The following AK9 variants were observed in gnomAD, a reference collection of about 807,000 sequenced individuals.
AK9 encodes the protein adenylate kinase domain containing 1.
AK9 carries 191 observed loss-of-function variants against 239.6 expected under a neutral mutation model. The ratio of observed to expected loss-of-function variants is 0.80; its 90% CI spans 0.71 to 0.90. AK9 has a LOEUF of 0.90. Among genes scored for constraint, AK9 ranks in the 40% least tolerant of loss-of-function variants. The pLI, the probability that AK9 is intolerant of heterozygous loss-of-function variation, is 0.00. For synonymous variants in AK9, 689 were observed against 721.0 expected, an observed-to-expected ratio of 0.96 and a Z score of 0.71; for missense variants, 1,995 against 2,214.7, an observed-to-expected ratio of 0.90 and a Z score of 1.99.
intron 8 of AK9, among the ~76,000 whole-genome samples, chr6:109,648,114 C>T (rs1332842152): frequency 1.3e-5 from 2 of 152,062 alleles, no homozygotes; most frequent in Non-Finnish European, 2.9e-5. Context: ...ATTTATAGCA[C>T]TAAATGCCCA....
chr6:109,528,772 G>T, intron 29 of AK9: 1 of 608,548 alleles, frequency 1.6e-6, no homozygotes, highest in Non-Finnish European at 3.0e-6. Flanking sequence ...TTATACAGAT[G>T]GAAATCAGGT....
rs1199613086 is a variant in AK9, at chr6:109,520,631, T to TA, written c.3634-3990dup. On this transcript the variant is annotated intron_variant, in intron 29 of 40. Transcript: ENST00000424296. ...GTTCCATATGAATTTTAGAATAGTT[T>TA]AAAAAATCTGTGAAGGATGTTATTG... is the stretch of plus-strand genomic sequence containing the variant. 6.0e-4 allele frequency among the ~76,000 whole-genome samples: 91 copies of TA among 152,296 alleles called. 1 individual carries two copies. The highest frequency in any genetic ancestry group is 8.8e-5 in the Non-Finnish European group (6 of 68,016).
At chr6:109,616,872 TTTTCA>T (rs1308226774) in intron 13 of AK9, among the ~76,000 whole-genome samples, 1 of 152,124 alleles carries the variant, frequency 6.6e-6, no homozygotes, top group African/African-American at 2.4e-5. Context: ...ACTATACTTC[TTTTCA>T]AATTATATGA....
Position 109,650,208 on chromosome 6 carries a change from T to C in AK9, c.760-5520A>G, listed in dbSNP as rs535426504. Among the ~76,000 whole-genome samples the C allele has an allele frequency of 6.9e-3, 1,039 of 151,672 alleles. 13 individuals carry two copies. The highest frequency in any genetic ancestry group is 0.024 in the African/African-American group (1,005 of 41,438). ...TTCATGTCTAAAACACCAAAAGCAA[T>C]GGCAACAAAAGCCAAAATTGACAAA... On this transcript the variant is annotated intron_variant, in intron 8 of 40. Transcript: ENST00000424296.
rs1398023007 is a variant in AK9, at chr6:109,529,043, G to T, written c.3601C>A (p.Leu1201Ile). The change falls in exon 29 of 41, where the codon CTT (leucine) becomes ATT (isoleucine). Residue 1201 changes from leucine (L) to isoleucine (I), a missense_variant. This residue lies in a region of AK9 where 1,290 missense variants were observed against 1,392.7 expected (regional missense o/e 0.93). Coordinates refer to ENST00000424296, the MANE Select transcript of AK9 (RefSeq NM_001145128.3). Reference protein sequence around the residue: ...VDTIAKRRAELILERDKKRRE... With the variant: ...VDTIAKRRAEIILERDKKRRE... ...CTTTTTTTATCTCTCTCTAATATAAGTTCAGCCCTTCTTTTAGCAATCGTA... is the reference window on the plus strand; with the variant it reads ...CTTTTTTTATCTCTCTCTAATATAATTTCAGCCCTTCTTTTAGCAATCGTA... 1.9e-6 allele frequency: 3 copies of T among 1,584,746 alleles called. No homozygotes were observed. The highest frequency in any genetic ancestry group is 1.2e-5 in the South Asian group (1 of 86,026).
In AK9 at chr6:109,529,023, T is replaced by C. The variant is rs765660869; in HGVS notation, c.3621A>G (p.Lys1207=). 1.4e-5 allele frequency: 22 copies of C among 1,604,550 alleles called. No individual in the cohort carries two copies. The highest frequency in any genetic ancestry group is 1.8e-5 in the Non-Finnish European group (21 of 1,177,346). The change falls in exon 29 of 41, where the codon AAA becomes AAG. Residue 1207 remains lysine, a synonymous_variant. Coordinates refer to ENST00000424296, the MANE Select transcript of AK9 (RefSeq NM_001145128.3). The part of the protein sequence containing the change: ...RRAELILERD[K]KRRENVVRDD... ...CAAAACTACTTACCTCCCTCCTTTT[T>C]TTATCTCTCTCTAATATAAGTTCAG...
chr6:109,612,117 C>T, intron 15 of AK9, 24 bp from the exon 16 acceptor site: 1 of 1,428,464 alleles, frequency 7.0e-7, no homozygotes, highest in Non-Finnish European at 9.5e-7. Flanking sequence ...ATTGTGAATG[C>T]CTAAAGAACG....
chr6:109,568,428 G>A (rs189574501), intron 21 of AK9, among the ~76,000 whole-genome samples: 429 of 152,238 alleles, frequency 2.8e-3, no homozygotes, highest in African/African-American at 9.9e-3. Context: ...GTTCTGGCCA[G>A]GGAAATCAGG....
rs557981569 is a variant in AK9 at position 109,597,077 on chromosome 6, T to G, written c.1843-11005A>C. On this transcript the variant is annotated intron_variant, in intron 17 of 40. Transcript: ENST00000424296. ...AAATCTTTATTTTACTAACATTGTG[T>G]TTTTTTTTACAACATCTGTAAATCT... is the stretch of plus-strand genomic sequence containing the variant. Among the ~76,000 whole-genome samples the G allele has an allele frequency of 4.2e-4, 64 of 150,648 alleles. No individual in the cohort carries two copies. The Middle Eastern group carries it at 0.014, about 32-fold the overall frequency.
intron 12 of AK9, among the ~76,000 whole-genome samples, chr6:109,628,434 T>G (rs761826362): frequency 6.6e-6 from 1 of 152,194 alleles, no homozygotes. Context: ...CTGCTTGTCC[T>G]GTCAGGAAAC....
intron 17 of AK9, among the ~76,000 whole-genome samples, chr6:109,587,964 T>C (rs994496509): frequency 6.6e-6 from 1 of 152,352 alleles, no homozygotes; most frequent in African/African-American, 2.4e-5. Flanking sequence ...TTTTTTGACT[T>C]TGTAATAATA....
chr6:109,523,175 C>A (rs1321208), intron 29 of AK9, among the ~76,000 whole-genome samples: 1 of 152,022 alleles, frequency 6.6e-6, no homozygotes, highest in South Asian at 2.1e-4. Flanking sequence ...TTGGCTCACA[C>A]CTGTAGTACA....
intron 1 of AK9, among the ~76,000 whole-genome samples, chr6:109,682,639 G>A (rs755087715): frequency 6.6e-6 from 1 of 151,922 alleles, no homozygotes; most frequent in East Asian, 1.9e-4. Context: ...AAATAAACTA[G>A]AAAATTTAGA....
At chr6:109,652,100 A>G (rs1799048353) in intron 8 of AK9, among the ~76,000 whole-genome samples, 1 of 152,202 alleles carries the variant, frequency 6.6e-6, no homozygotes, top group Non-Finnish European at 1.5e-5. Context: ...AGAAACAACA[A>G]AAAAAGAGAA....
At chr6:109,641,749 C>A in intron 9 of AK9, 133 bp from the exon 10 acceptor site, 1 of 692,148 alleles carries the variant, frequency 1.4e-6, no homozygotes. Context: ...CTTCTTCTGG[C>A]TTCTGGCTGT....
At chr6:109,644,167 T>C (rs1797763532) in intron 9 of AK9, among the ~76,000 whole-genome samples, 1 of 152,232 alleles carries the variant, frequency 6.6e-6, no homozygotes, top group African/African-American at 2.4e-5. Flanking sequence ...TACTATATTT[T>C]TGTATTATTG....
intron 36 of AK9, 62 bp downstream of exon 36, chr6:109,498,982 T>G (rs1777337844): frequency 7.5e-7 from 1 of 1,335,980 alleles, no homozygotes; most frequent in African/African-American, 1.5e-5. Context: ...TTCCTATTGA[T>G]TGATTCCAAG....
intron 27 of AK9, among the ~76,000 whole-genome samples, chr6:109,538,742 C>T (rs561791818): frequency 6.6e-6 from 1 of 152,248 alleles, no homozygotes; most frequent in Admixed American, 6.5e-5. Flanking sequence ...GTGGCTGGTA[C>T]CGGTTGTTCC....
chr6:109,585,916 C>T lies in AK9; in HGVS notation c.1999G>A (p.Gly667Arg), dbSNP rs974033217. The change falls in exon 18 of 41, where the codon GGA becomes AGA. Residue 667 changes from glycine to arginine, a missense_variant and splice_region_variant. Transcript: ENST00000424296. ...ATTTACATAATAAATATTTACCAAC[C>T]ATTGTTTTCTGTATCTGATAAATAG... Reference protein sequence around the residue: ...VIYLSDTENNGKCLFNRIYLQ... With the variant: ...VIYLSDTENNRKCLFNRIYLQ... 1.3e-6 allele frequency: 2 copies of T among 1,526,910 alleles called. No individual in the cohort carries two copies. Among genetic ancestry groups the T allele is most frequent in the African/African-American group, 2.8e-5 (2 of 71,510 alleles). 94.6% of individuals were successfully genotyped at this position (1,526,910 alleles called of 1,614,324 possible). A position where few individuals can be genotyped will look rare whatever the true frequency, so the allele number is the denominator to read the frequency against.
Sources: gnomAD v4.1 joint callset for allele counts (sites outside exome capture counted in the v4.1 genomes callset) on GRCh38, gnomAD v4.1.1 for gene constraint, gnomAD v4.1.1 regional missense constraint, MANE v1.5 for transcripts, NCBI Gene and HGNC (gene_info 2026-07-23, HGNC 2026-07-21) for gene names.